The following ST3GAL3 variants were observed in gnomAD, a reference collection of about 807,000 sequenced individuals.
ST3GAL3 encodes the protein CMP-N-acetylneuraminate-beta-1,4-galactoside alpha-2,3-sialyltransferase.
Under a neutral mutation model 50.1 loss-of-function variants are expected in ST3GAL3, and 21 were observed. That is an observed-to-expected ratio of 0.42 (90% confidence interval 0.30 to 0.60). The LOEUF is 0.60. ST3GAL3 is among the 20% of genes least tolerant of loss of function. ST3GAL3 has a pLI of 0.19. For synonymous variants in ST3GAL3, 183 were observed against 190.0 expected (o/e 0.96, Z 0.30); for missense variants, 353 against 489.4 (o/e 0.72, Z 2.63).
chr1:43,734,313 T>G (rs1260409342), intron 1 of ST3GAL3, among the ~76,000 whole-genome samples: 75 of 140,608 alleles, frequency 5.3e-4, no homozygotes, highest in African/African-American at 1.8e-3. Flanking sequence ...TTTTTGTTTT[T>G]TTTTTTTTTG....
chr1:43,742,379 T>C (rs571417542), intron 2 of ST3GAL3, among the ~76,000 whole-genome samples: 2 of 152,076 alleles, frequency 1.3e-5, no homozygotes, highest in African/African-American at 4.8e-5. Flanking sequence ...TCAAGAGAGG[T>C]CAAAAATGCC....
chr1:43,759,065 G>GCGCGCACACACACACACACACACA (rs60386464), intron 2 of ST3GAL3, among the ~76,000 whole-genome samples: 3 of 75,450 alleles, frequency 4.0e-5, no homozygotes, highest in Admixed American at 1.2e-4. Context: ...AAAAGCGCGC[G>GCGCGCACACACACACACACACACA]CACACACACA....
At chr1:43,810,254 A>G (rs1046617977) in intron 3 of ST3GAL3, among the ~76,000 whole-genome samples, 5 of 152,162 alleles carry the variant, frequency 3.3e-5, no homozygotes, top group Non-Finnish European at 7.4e-5. Flanking sequence ...TGAAAATCGC[A>G]GCAAAGTATG....
chr1:43,717,128 T>C (rs903899267), intron 1 of ST3GAL3, among the ~76,000 whole-genome samples: 11 of 152,230 alleles, frequency 7.2e-5, no homozygotes, highest in African/African-American at 9.6e-5. Context: ...CTGAAGCTTT[T>C]CCTGAGCCTC....
At chr1:43,710,760 A>G (rs1430513886) in intron 1 of ST3GAL3, among the ~76,000 whole-genome samples, 3 of 152,202 alleles carry the variant, frequency 2.0e-5, no homozygotes, top group Non-Finnish European at 4.4e-5. Flanking sequence ...TTTCAGGGCC[A>G]TTTGATACGG....
intron 9 of ST3GAL3, chr1:43,914,293 A>C (rs563062940): frequency 1.7e-4 from 26 of 152,286 alleles, no homozygotes; most frequent in African/African-American, 6.3e-4. Context: ...GTGTACCCTG[A>C]CGAGTCCCCT....
chr1:43,851,494 A>G, intron 5 of ST3GAL3: 1 of 1,598,910 alleles, frequency 6.3e-7, no homozygotes, highest in South Asian at 1.1e-5. Flanking sequence ...CTGCCTTAGT[A>G]TCTCTGGCCC....
chr1:43,830,620 T>C (rs1376344711), intron 4 of ST3GAL3, among the ~76,000 whole-genome samples: 6 of 152,224 alleles, frequency 3.9e-5, no homozygotes, highest in Non-Finnish European at 5.9e-5. Flanking sequence ...TGGGGACCTA[T>C]AGAAGAATTG....
intron 2 of ST3GAL3, among the ~76,000 whole-genome samples, chr1:43,787,927 AAT>A (rs954272087): frequency 4.6e-5 from 7 of 152,220 alleles, no homozygotes; most frequent in African/African-American, 1.7e-4. Flanking sequence ...TGACCTCAGT[AAT>A]TAAAGAGAAA....
chr1:43,762,347 A>G (rs1690823468), intron 2 of ST3GAL3, among the ~76,000 whole-genome samples: 1 of 151,668 alleles, frequency 6.6e-6, no homozygotes, highest in South Asian at 2.1e-4. Flanking sequence ...AAGGTATCAG[A>G]GACTTATTTA....
At chr1:43,878,839 T>TA (rs2074573400) in intron 5 of ST3GAL3, among the ~76,000 whole-genome samples, 1 of 152,146 alleles carries the variant, frequency 6.6e-6, no homozygotes, top group Non-Finnish European at 1.5e-5. Context: ...TGATCTCACT[T>TA]ACCAAATATT....
At chr1:43,858,250 G>A in intron 5 of ST3GAL3, 5 of 1,289,220 alleles carry the variant, frequency 3.9e-6, no homozygotes, top group Non-Finnish European at 5.1e-6. Context: ...GAGGAGTGAT[G>A]AGAGATTGAC....
chr1:43,848,773 A>C (rs931720880), intron 5 of ST3GAL3, among the ~76,000 whole-genome samples: 25 of 152,168 alleles, frequency 1.6e-4, no homozygotes, highest in African/African-American at 6.0e-4. Context: ...CCCAGGATTC[A>C]AATTACATGG....
chr1:43,806,670 G>C (rs1036285248), intron 3 of ST3GAL3, among the ~76,000 whole-genome samples: 4 of 152,162 alleles, frequency 2.6e-5, no homozygotes, highest in African/African-American at 9.7e-5. Context: ...AATGTGAAAA[G>C]GGATTGGGAA....
chr1:43,724,108 T>C (rs1571440461), intron 1 of ST3GAL3, among the ~76,000 whole-genome samples: 1 of 152,180 alleles, frequency 6.6e-6, no homozygotes, highest in East Asian at 1.9e-4. Flanking sequence ...CATATATATA[T>C]ATGCATTCAA....
intron 9 of ST3GAL3, among the ~76,000 whole-genome samples, chr1:43,909,190 G>A (rs188861369): frequency 8.4e-4 from 128 of 152,252 alleles, no homozygotes; most frequent in African/African-American, 3.0e-3. Flanking sequence ...CAGTACCTTC[G>A]AGGAGAGTCA....
In ST3GAL3 at chr1:43,920,507, C is replaced by T; in HGVS notation, c.848C>T (p.Thr283Ile). 1 of 1,614,198 alleles carries T rather than the reference C, an allele frequency of 6.2e-7. No individual in the cohort carries two copies. The highest frequency in any genetic ancestry group is 8.5e-7 in the Non-Finnish European group (1 of 1,180,032). Reference sequence around the variant, plus strand: ...TATTTCATCCAGGAGGCCGCCTTCACCCTCATTGGCCTGCCCTTCAACAAT... The same window carrying T: ...TATTTCATCCAGGAGGCCGCCTTCATCCTCATTGGCCTGCCCTTCAACAAT... ...NPYFIQEAAF[T>I]LIGLPFNNGL... Residue 283 changes from threonine (T) to isoleucine (I), a missense_variant, in exon 10 of 12, where the codon ACC becomes ATC. Thr to Ile is a moderately conservative substitution (Grantham distance 89). Transcript: ENST00000347631.
chr1:43,742,725 C>T (rs533434588), intron 2 of ST3GAL3, among the ~76,000 whole-genome samples: 6 of 152,194 alleles, frequency 3.9e-5, no homozygotes, highest in African/African-American at 1.4e-4. Context: ...GTAGTCTCAG[C>T]AGAGAAATGG....
chr1:43,865,011 A>G (rs888541802), intron 5 of ST3GAL3, among the ~76,000 whole-genome samples: 2 of 136,492 alleles, frequency 1.5e-5, no homozygotes, highest in Non-Finnish European at 3.2e-5. Flanking sequence ...CAGAGTATCT[A>G]TGTACAACAT....
Sources: gnomAD v4.1 joint callset for allele counts (sites outside exome capture counted in the v4.1 genomes callset) on GRCh38, gnomAD v4.1.1 for gene constraint, MANE v1.5 for transcripts, NCBI Gene and HGNC (gene_info 2026-07-23, HGNC 2026-07-21) for gene names.